Variants in NPHS2 observed in about 807,000 individuals in gnomAD.
NPHS2 encodes podocin.
A neutral mutation model predicts 37.1 loss-of-function variants in NPHS2; 36 were observed. The ratio of observed to expected loss-of-function variants is 0.97; its 90% CI spans 0.74 to 1.28. The LOEUF (loss-of-function observed/expected upper bound fraction) is 1.28. Ranked by LOEUF, NPHS2 falls within the 50% of genes most tolerant of loss-of-function variation. The probability of loss-of-function intolerance (pLI) is 0.00; values close to 1 mark genes in which losing one functional copy is unlikely to be tolerated. For missense variants in NPHS2, 447 were observed against 488.1 expected, an observed-to-expected ratio of 0.92 and a Z score of 0.79; for synonymous variants, 196 against 189.3, an observed-to-expected ratio of 1.04 and a Z score of -0.29.
Position 179,551,036 on chromosome 1 carries a change from A to G in NPHS2, c.*137T>C, listed in dbSNP as rs1478909536. ...TTCACCGTCTTCTCATGGATGGTGC[A>G]TTGTGACTTCGTGCATTCCATGGCC... is the stretch of plus-strand genomic sequence containing the variant. On this transcript the variant is annotated 3_prime_UTR_variant, in exon 8 of 8. Coordinates refer to ENST00000367615, the MANE Select transcript of NPHS2 (RefSeq NM_014625.4). 5 of 1,007,950 alleles carry G rather than the reference A, an allele frequency of 5.0e-6. No individual in the cohort carries two copies. The highest frequency in any genetic ancestry group is 6.1e-6 in the Non-Finnish European group (4 of 660,688). 62.4% of individuals were successfully genotyped at this position (1,007,950 alleles called of 1,614,324 possible). A position where few individuals can be genotyped will look rare whatever the true frequency, so the allele number is the denominator to read the frequency against.
intron 1 of NPHS2, among the ~76,000 whole-genome samples, chr1:179,573,827 A>T (rs1674655705): frequency 6.6e-6 from 1 of 152,196 alleles, no homozygotes; most frequent in Non-Finnish European, 1.5e-5. Context: ...TAACGTGAAG[A>T]TTTACCCCCA....
chr1:179,565,735 C>T (rs1015388611), intron 1 of NPHS2, among the ~76,000 whole-genome samples: 77 of 151,240 alleles, frequency 5.1e-4, no homozygotes, highest in Non-Finnish European at 1.0e-3. Flanking sequence ...CCCCACCCCC[C>T]GACAGGCCCC....
At position 179,552,573 on chromosome 1, in the gene NPHS2, G is replaced by T. The variant is rs372056057; in HGVS notation, c.873+30C>A. 51 of 1,585,020 alleles carry T rather than the reference G, an allele frequency of 3.2e-5. No homozygotes were observed. The East Asian group carries it at 4.9e-4, about 15-fold the overall frequency. ...CTCCACGAGCAGGCCTTCCTAAAGG[G>T]CAGTCTGGGTGGGAGGATGGAGTGC... is the stretch of plus-strand genomic sequence containing the variant. On this transcript the variant is annotated intron_variant, in intron 7 of 7. Transcript: ENST00000367615.
In NPHS2 at chr1:179,551,446, A is replaced by G. The variant is rs759792052; in HGVS notation, c.879T>C (p.Ile293=). The change falls in exon 8 of 8, where the codon ATT becomes ATC. Residue 293 remains isoleucine, a synonymous_variant. Transcript: ENST00000367615. The part of the protein sequence containing the change: ...EAQRQAKVRM[I]AAEAEKAASE... ...AAGCAGCCTTTTCCGCTTCTGCAGC[A>G]ATCATCTAGAAAACATGTGACGAAA... is the stretch of plus-strand genomic sequence containing the variant. 2.5e-6 allele frequency: 4 copies of G among 1,613,152 alleles called. No homozygotes were observed. In the Admixed American group the frequency reaches 6.7e-5, roughly 27 times the overall value.
intron 1 of NPHS2, among the ~76,000 whole-genome samples, chr1:179,566,841 T>C (rs1674352434): frequency 6.6e-6 from 1 of 152,202 alleles, no homozygotes; most frequent in South Asian, 2.1e-4. Flanking sequence ...CCATTGCTTG[T>C]TTTTGTTGGG....
intron 1 of NPHS2, 84 bp from the exon 2 acceptor site, chr1:179,564,877 A>G: frequency 1.8e-6 from 2 of 1,127,298 alleles, no homozygotes; most frequent in South Asian, 1.3e-5. Flanking sequence ...AATTCTTGGT[A>G]TTGGAGTTGG....
At chr1:179,575,258 T>A (rs978272605) in intron 1 of NPHS2, among the ~76,000 whole-genome samples, 2 of 152,182 alleles carry the variant, frequency 1.3e-5, no homozygotes, top group East Asian at 3.8e-4. Context: ...TTAAATTAGG[T>A]GCCCGTATGC....
At chr1:179,561,412 C>A in intron 2 of NPHS2, 51 bp from the exon 3 acceptor site, 1 of 1,400,302 alleles carries the variant, frequency 7.1e-7, no homozygotes, top group Non-Finnish European at 1.0e-6. Context: ...AAAAAGTCTT[C>A]AAAAGGCCTT....
At chr1:179,568,392 T>C (rs958221941) in intron 1 of NPHS2, among the ~76,000 whole-genome samples, 6 of 152,332 alleles carry the variant, frequency 3.9e-5, no homozygotes, top group East Asian at 1.9e-4. Flanking sequence ...GTGAGATAGG[T>C]GGTGATATCC....
chr1:179,569,956 C>T (rs1674488337), intron 1 of NPHS2, among the ~76,000 whole-genome samples: 1 of 152,192 alleles, frequency 6.6e-6, no homozygotes, highest in African/African-American at 2.4e-5. Context: ...CTCGACCTTT[C>T]TCTCTGGCTG....
chr1:179,551,503 T>G, intron 7 of NPHS2, 52 bp from the exon 8 acceptor site: 1 of 1,604,570 alleles, frequency 6.2e-7, no homozygotes, highest in Non-Finnish European at 8.5e-7. Flanking sequence ...CCCTGAAGGC[T>G]TCACCACTAT....
chr1:179,570,872 C>T (rs115565745), intron 1 of NPHS2, among the ~76,000 whole-genome samples: 1,602 of 152,332 alleles, frequency 0.011, 31 homozygotes, highest in African/African-American at 0.036. Flanking sequence ...GAAGCTTGCA[C>T]ATGCGTCATG....
At chr1:179,551,564 G>T in intron 7 of NPHS2, 113 bp from the exon 8 acceptor site, 1 of 1,216,206 alleles carries the variant, frequency 8.2e-7, no homozygotes, top group Non-Finnish European at 1.2e-6. Context: ...TGGCAAGCAC[G>T]GTTAAGCATA....
At chr1:179,554,770 A>G (rs1673818698) in intron 5 of NPHS2, 1 of 592,786 alleles carries the variant, frequency 1.7e-6, no homozygotes, top group African/African-American at 1.9e-5. Context: ...GTCCCCAAAG[A>G]TATCCCATGT....
At position 179,567,566 on chromosome 1, in the gene NPHS2, G is replaced by C. The variant is rs570481336; in HGVS notation, c.275-2773C>G. ...AACTGAATACCCTTTATTTCTTTCT[G>C]TTGCCTGATTGCCCTGGCCAGAACT... On this transcript the variant is annotated intron_variant, in intron 1 of 7. Transcript: ENST00000367615. 9.9e-3 allele frequency among the ~76,000 whole-genome samples: 1,505 copies of C among 152,032 alleles called. 21 individuals are homozygous for C. The highest frequency in any genetic ancestry group is 0.035 in the African/African-American group (1,442 of 41,454).
chr1:179,561,746 C>G (rs963215126), intron 2 of NPHS2, among the ~76,000 whole-genome samples: 1 of 151,972 alleles, frequency 6.6e-6, no homozygotes, highest in Non-Finnish European at 1.5e-5. Context: ...ATTTTAATAC[C>G]ACTTGTGATG....
intron 2 of NPHS2, among the ~76,000 whole-genome samples, chr1:179,562,424 T>C (rs2125788557): frequency 6.6e-6 from 1 of 152,278 alleles, no homozygotes. Flanking sequence ...GCTTAAAAAA[T>C]GCCTGATACA....
At chr1:179,562,252 C>T (rs1183771540) in intron 2 of NPHS2, among the ~76,000 whole-genome samples, 1 of 152,172 alleles carries the variant, frequency 6.6e-6, no homozygotes, top group African/African-American at 2.4e-5. Context: ...TTACTGCACA[C>T]TACTTTAAAA....
chr1:179,567,241 T>C lies in NPHS2; in HGVS notation c.275-2448A>G, dbSNP rs115317346. 9.9e-3 allele frequency among the ~76,000 whole-genome samples: 1,505 copies of C among 152,308 alleles called. 21 individuals carry two copies. The highest frequency in any genetic ancestry group is 0.035 in the African/African-American group (1,442 of 41,548). ...TTTGTTTCTATCCTCTTTTATTTAG[T>C]TGAGCAGTGGCTTACAGTTCTCCTT... On this transcript the variant is annotated intron_variant, in intron 1 of 7. Coordinates refer to ENST00000367615, the MANE Select transcript of NPHS2 (RefSeq NM_014625.4).
Sources: gnomAD v4.1 joint callset for allele counts (sites outside exome capture counted in the v4.1 genomes callset) on GRCh38, gnomAD v4.1.1 for gene constraint, MANE v1.5 for transcripts, NCBI Gene and HGNC (gene_info 2026-07-23, HGNC 2026-07-21) for gene names.